The following GFRA1 variants were observed in gnomAD, a reference collection of about 807,000 sequenced individuals.
GFRA1 encodes GDNF family receptor alpha 1, also known as GDNF family receptor alpha-1.
In GFRA1, 16 loss-of-function variants were observed where a neutral mutation model predicts 51.6. The observed-to-expected ratio is 0.31, with a 90% CI of 0.21 to 0.47. The LOEUF is 0.47. GFRA1 is among the 20% of genes least tolerant of loss of function. GFRA1 has a pLI of 1.00. For missense variants in GFRA1, 530 were observed against 594.3 expected, an observed-to-expected ratio of 0.89 and a Z score of 1.13; for synonymous variants, 270 against 241.3, an observed-to-expected ratio of 1.12 and a Z score of -1.10.
chr10:116,117,265 C>A (rs1957447930), intron 6 of GFRA1, among the ~76,000 whole-genome samples: 1 of 152,096 alleles, frequency 6.6e-6, no homozygotes, highest in East Asian at 1.9e-4. Context: ...ATGCCTTCCT[C>A]AAACCCACAG....
At chr10:116,132,548 G>A (rs1958147366) in intron 5 of GFRA1, among the ~76,000 whole-genome samples, 1 of 152,064 alleles carries the variant, frequency 6.6e-6, no homozygotes, top group Non-Finnish European at 1.5e-5. Flanking sequence ...CACGGCACAT[G>A]GGAAATCACT....
Position 116,117,557 on chromosome 10 carries a change from G to GGGTGGA in GFRA1, c.770+7663_770+7664insTCCACC, listed in dbSNP as rs1555152575. ...GATGGGTGGGTGGGTGGGTGGGTGT[G>GGGTGGA]TGGATGGATGGATGGATGGATGGAT... On this transcript the variant is annotated intron_variant, in intron 6 of 10. Transcript: ENST00000355422. 1.4e-3 allele frequency among the ~76,000 whole-genome samples: 141 copies of GGGTGGA among 97,428 alleles called. 4 individuals are homozygous for GGGTGGA. Among genetic ancestry groups the GGGTGGA allele is most frequent in the African/African-American group, 4.2e-3 (100 of 23,822 alleles). The allele number at this position is 97,428 out of a possible 152,430, so 63.9% of individuals were successfully genotyped here.
chr10:116,191,194 A>T (rs1451860594), intron 5 of GFRA1, among the ~76,000 whole-genome samples: 4 of 152,226 alleles, frequency 2.6e-5, no homozygotes, highest in Non-Finnish European at 4.4e-5. Flanking sequence ...CAGCAAAAAA[A>T]ACCCACAGTA....
At chr10:116,095,013 C>A (rs2530339) in intron 7 of GFRA1, among the ~76,000 whole-genome samples, 136,848 of 152,238 alleles carry the variant, frequency 0.9, 61,953 homozygotes, top group Non-Finnish European at 0.97. Context: ...ATTTTGGTCT[C>A]TGCAATGCAT....
intron 8 of GFRA1, among the ~76,000 whole-genome samples, chr10:116,092,584 C>T (rs1455471025): frequency 1.3e-5 from 2 of 152,086 alleles, no homozygotes; most frequent in African/African-American, 4.8e-5. Flanking sequence ...TCCTGAAGTT[C>T]AGGCCTATGT....
chr10:116,096,543 C>T, intron 7 of GFRA1, 112 bp downstream of exon 7: 1 of 716,968 alleles, frequency 1.4e-6, no homozygotes, highest in South Asian at 1.5e-5. Flanking sequence ...AACCCCAGCC[C>T]AGAGGTTACT....
intron 5 of GFRA1, among the ~76,000 whole-genome samples, chr10:116,210,470 C>T (rs1965106359): frequency 6.6e-6 from 1 of 152,204 alleles, no homozygotes; most frequent in African/African-American, 2.4e-5. Context: ...TTTCATTACA[C>T]GAACAGTCAC....
intron 5 of GFRA1, among the ~76,000 whole-genome samples, chr10:116,168,640 A>T (rs572824892): frequency 3.3e-5 from 5 of 152,290 alleles, no homozygotes; most frequent in East Asian, 1.9e-4. Flanking sequence ...AGTGGAGAGG[A>T]AGGGCCAACC....
intron 6 of GFRA1, among the ~76,000 whole-genome samples, chr10:116,117,851 C>T (rs925243606): frequency 2.0e-5 from 3 of 152,124 alleles, no homozygotes; most frequent in African/African-American, 4.8e-5. Context: ...CTCCTCTGTT[C>T]TCTGAGTGAT....
At chr10:116,110,181 G>A (rs1957153237) in intron 6 of GFRA1, among the ~76,000 whole-genome samples, 1 of 152,166 alleles carries the variant, frequency 6.6e-6, no homozygotes, top group African/African-American at 2.4e-5. Context: ...ACCTGGCAGG[G>A]GGATGAGACT....
At chr10:116,170,596 C>G (rs577736915) in intron 5 of GFRA1, among the ~76,000 whole-genome samples, 2 of 152,296 alleles carry the variant, frequency 1.3e-5, no homozygotes, top group East Asian at 1.9e-4. Flanking sequence ...TACCCCATGA[C>G]TTTTCATGGA....
Position 116,271,078 on chromosome 10 carries a change from G to T in GFRA1, c.78C>A (p.Arg26=), listed in dbSNP as rs377281268. The change falls in exon 3 of 11, where the codon CGC becomes CGA. Residue 26 remains arginine (R), a synonymous_variant. Transcript: ENST00000355422. ...LLSAEVSGGD[R]LDCVKASDQC... The stretch of plus-strand genomic sequence containing the variant: ...GATCACTGGCTTTCACGCAATCCAG[G>T]CGGTCTCCGCCGCTCACTTCGGCCG... 3.1e-6 allele frequency: 5 copies of T among 1,610,634 alleles called. No individual in the cohort carries two copies. In the African/African-American group the frequency reaches 6.7e-5, roughly 22 times the overall value.
At chr10:116,246,712 T>C (rs942141017) in intron 4 of GFRA1, among the ~76,000 whole-genome samples, 1 of 152,110 alleles carries the variant, frequency 6.6e-6, no homozygotes, top group Non-Finnish European at 1.5e-5. Context: ...AATTAGTAAA[T>C]TAAAGGATGA....
At chr10:116,203,772 C>T (rs1197595463) in intron 5 of GFRA1, among the ~76,000 whole-genome samples, 2 of 152,204 alleles carry the variant, frequency 1.3e-5, no homozygotes, top group Non-Finnish European at 1.5e-5. Flanking sequence ...AGGGTTTAAG[C>T]ATTCAATCAA....
chr10:116,122,034 C>T (rs978117421), intron 6 of GFRA1, among the ~76,000 whole-genome samples: 1 of 152,154 alleles, frequency 6.6e-6, no homozygotes, highest in African/African-American at 2.4e-5. Flanking sequence ...AGTAATAAAT[C>T]CAGGCTCTGG....
At chr10:116,194,930 A>G (rs1288732780) in intron 5 of GFRA1, among the ~76,000 whole-genome samples, 1 of 152,244 alleles carries the variant, frequency 6.6e-6, no homozygotes, top group Non-Finnish European at 1.5e-5. Flanking sequence ...CATTTTCTGT[A>G]AAGAGCCAGG....
chr10:116,246,912 A>C (rs1281330265), intron 4 of GFRA1, among the ~76,000 whole-genome samples: 1 of 152,228 alleles, frequency 6.6e-6, no homozygotes, highest in Admixed American at 6.5e-5. Context: ...AACCAGAATA[A>C]AAACAGCAGT....
intron 9 of GFRA1, among the ~76,000 whole-genome samples, chr10:116,076,819 C>T (rs1955638454): frequency 6.6e-6 from 1 of 152,142 alleles, no homozygotes; most frequent in Non-Finnish European, 1.5e-5. Context: ...CCTGGGCCAC[C>T]GCTTTTACTG....
At chr10:116,232,000 G>A (rs1218056692) in intron 4 of GFRA1, among the ~76,000 whole-genome samples, 1 of 152,136 alleles carries the variant, frequency 6.6e-6, no homozygotes, top group Non-Finnish European at 1.5e-5. Context: ...AGTATGGAGA[G>A]GGCAAAGAGG....
Sources: allele counts gnomAD v4.1 joint callset (sites outside exome capture counted in the v4.1 genomes callset), GRCh38; gene constraint gnomAD v4.1.1; transcripts MANE v1.5; gene names NCBI Gene and HGNC (gene_info 2026-07-23, HGNC 2026-07-21).